Variants in HUWE1 observed in about 807,000 individuals in gnomAD.
HUWE1 encodes HECT, UBA and WWE domain containing E3 ubiquitin protein ligase 1, also known as E3 ubiquitin-protein ligase HUWE1.
A neutral mutation model predicts 299.4 loss-of-function variants in HUWE1; 18 were observed. The ratio of observed to expected loss-of-function variants is 0.06; its 90% CI spans 0.04 to 0.09. The LOEUF is 0.09. HUWE1 is among the 10% of genes least tolerant of loss of function. The pLI, the probability that HUWE1 is intolerant of heterozygous loss-of-function variation, is 1.00. For synonymous variants in HUWE1, 1,317 were observed against 1,286.1 expected (o/e 1.02, Z -0.51); for missense variants, 1,832 against 3,462.3 (o/e 0.53, Z 11.82).
chrX:53,636,645 C>T (rs782134789), intron 7 of HUWE1, among the ~76,000 whole-genome samples: 4 of 111,667 alleles, frequency 3.6e-5, no homozygotes, highest in African/African-American at 9.8e-5. Flanking sequence ...TGGCCTGAAC[C>T]CGGGAGGCAG....
At chrX:53,582,815 C>G in intron 42 of HUWE1, among the ~76,000 whole-genome samples, 1 of 109,173 alleles carries the variant, frequency 9.2e-6, no homozygotes, top group South Asian at 4.1e-4. Flanking sequence ...GGCTGGGGAG[C>G]AATGGCACCA....
At chrX:53,650,165 A>AT (rs1487019231) in intron 4 of HUWE1, among the ~76,000 whole-genome samples, 1 of 112,262 alleles carries the variant, frequency 8.9e-6, no homozygotes, top group East Asian at 2.8e-4. Context: ...GTTCCCCACT[A>AT]AATGTGTTAG....
chrX:53,660,758 G>A (rs2068958290), intron 3 of HUWE1, among the ~76,000 whole-genome samples: 1 of 111,228 alleles, frequency 9.0e-6, no homozygotes, highest in Admixed American at 9.6e-5. Flanking sequence ...AGGTAAAGGA[G>A]GCTTATTAGC....
Position 53,589,395 on chromosome X carries a change from T to A in HUWE1, c.4461+152A>T, listed in dbSNP as rs1363418781. The A allele has an allele frequency of 1.8e-5, 10 of 571,088 alleles. No homozygotes were observed. In the African/African-American group the frequency reaches 2.2e-4, roughly 13 times the overall value. The allele number at this position is 571,088 out of a possible 1,213,427, so 47.1% of individuals were successfully genotyped here. On this transcript the variant is annotated intron_variant, in intron 36 of 83. Transcript: ENST00000262854. ...TGTGTGTGCGATGTAGTTAACACAC[T>A]GTTTCAGGATTACCAGATCGAAAGA...
At chrX:53,544,012 A>G (rs370621124) in intron 72 of HUWE1, 44 bp from the exon 73 acceptor site, 37 of 1,080,028 alleles carry the variant, frequency 3.4e-5, no homozygotes, top group Non-Finnish European at 4.4e-5. Flanking sequence ...AAATATAGGA[A>G]GAGGGAAAGC....
chrX:53,555,450 C>G (rs2061958852), intron 60 of HUWE1, among the ~76,000 whole-genome samples: 1 of 108,267 alleles, frequency 9.2e-6, no homozygotes, highest in South Asian at 4.1e-4. Flanking sequence ...CTCAGCCTCC[C>G]AAGTAGCTGA....
intron 30 of HUWE1, 25 bp downstream of exon 30, chrX:53,595,162 C>T (rs782136087): frequency 1.8e-6 from 2 of 1,135,194 alleles, no homozygotes; most frequent in Non-Finnish European, 2.4e-6. Flanking sequence ...ACTTTCTAGT[C>T]CCTGAATCTC....
At position 53,534,502 on chromosome X, in the gene HUWE1, C is replaced by T. The variant is rs965199393; in HGVS notation, c.12831+14G>A. 16 of 1,196,469 alleles carry T rather than the reference C, an allele frequency of 1.3e-5. No individual in the cohort carries two copies. Among genetic ancestry groups the T allele is most frequent in the Non-Finnish European group, 1.8e-5 (16 of 886,404 alleles). ...AAGAGGACCATATGAGGAGGGATGC[C>T]AGCAGCAGCTCACCTGAATAGAGTT... On this transcript the variant is annotated intron_variant, in intron 82 of 83. Coordinates refer to ENST00000262854, the MANE Select transcript of HUWE1 (RefSeq NM_031407.7).
chrX:53,590,332 T>A (rs928377979), intron 35 of HUWE1, 72 bp downstream of exon 35: 134 of 682,579 alleles, frequency 2.0e-4, no homozygotes, highest in Non-Finnish European at 1.1e-4. Context: ...TAGTTTGCAA[T>A]ACTAGCAGAA....
chrX:53,680,823 G>A, intron 2 of HUWE1: 1 of 112,054 alleles, frequency 8.9e-6, no homozygotes, highest in Non-Finnish European at 1.9e-5. Flanking sequence ...ACGGTAAAAT[G>A]CACCAATGCA....
chrX:53,534,710 C>T lies in HUWE1; in HGVS notation c.12650-13G>A. 8.3e-7 allele frequency: 1 copy of T among 1,203,640 alleles called. No individual in the cohort carries two copies. On this transcript the variant is annotated splice_polypyrimidine_tract_variant and intron_variant, in intron 81 of 83. Transcript: ENST00000262854. ...TTGCGGATGGCTCCTGGTGAGATAA[C>T]CAAAAAGCCAAATGACTTCTAAACT...
In HUWE1 at chrX:53,559,184, C is replaced by T. The variant is rs1248205217; in HGVS notation, c.7916-124G>A. 4 of 753,306 alleles carry T rather than the reference C, an allele frequency of 5.3e-6. No individual in the cohort carries two copies. The African/African-American group carries it at 8.4e-5, about 16-fold the overall frequency. 62.1% of individuals were successfully genotyped at this position (753,306 alleles called of 1,213,427 possible). Reference sequence around the variant, plus strand: ...GTCTATCACAATGTTTAGAACATAACAAGTACCTAGAGACAATAAAGTTTT... The same window carrying T: ...GTCTATCACAATGTTTAGAACATAATAAGTACCTAGAGACAATAAAGTTTT... On this transcript the variant is annotated intron_variant, in intron 57 of 83. Transcript: ENST00000262854.
At chrX:53,543,681 G>C in intron 73 of HUWE1, 160 bp downstream of exon 73, 1 of 818,594 alleles carries the variant, frequency 1.2e-6, no homozygotes, top group Non-Finnish European at 1.7e-6. Context: ...TCAACAAATA[G>C]GAAAACACCA....
chrX:53,564,415 A>C (rs1242816489), intron 51 of HUWE1, among the ~76,000 whole-genome samples, 159 bp downstream of exon 51: 1 of 111,462 alleles, frequency 9.0e-6, no homozygotes, highest in East Asian at 2.8e-4. Context: ...ATACAGTACA[A>C]ACACATTTAC....
intron 65 of HUWE1, 36 bp from the exon 66 acceptor site, chrX:53,550,804 G>A: frequency 1.7e-6 from 2 of 1,198,483 alleles, no homozygotes; most frequent in Non-Finnish European, 2.3e-6. Flanking sequence ...AGATTGTGGA[G>A]AGGGTGTAAA....
chrX:53,645,894 T>TC (rs781956698), intron 6 of HUWE1, among the ~76,000 whole-genome samples: 1 of 107,122 alleles, frequency 9.3e-6, no homozygotes, highest in Admixed American at 1.0e-4. Flanking sequence ...GCGCAGGTTT[T>TC]CCCACAGGAA....
chrX:53,622,493 T>C (rs917906568), intron 19 of HUWE1, among the ~76,000 whole-genome samples: 12 of 111,543 alleles, frequency 1.1e-4, no homozygotes, highest in Non-Finnish European at 1.7e-4. Context: ...ATCAGAATCT[T>C]TGGTGTAACG....
chrX:53,660,606 G>A (rs1557044916), intron 3 of HUWE1, among the ~76,000 whole-genome samples: 1 of 112,062 alleles, frequency 8.9e-6, no homozygotes, highest in Non-Finnish European at 1.9e-5. Context: ...TGAGACTGGA[G>A]TTCCCCAAAG....
In HUWE1 at chrX:53,592,584, C is replaced by G. The variant is rs1556980319; in HGVS notation, c.3786G>C (p.Leu1262=). The change falls in exon 33 of 84, where the codon CTG becomes CTC. Residue 1262 remains leucine (L), a synonymous_variant. Coordinates refer to ENST00000262854, the MANE Select transcript of HUWE1 (RefSeq NM_031407.7). ...CAGCCATTCGTCCACCATATACCTT[C>G]AGGGGTTTCCGGTTCCATAAGTTTT... The part of the protein sequence containing the change: ...CIKNLWNRKP[L]KVYGGRMAES... 2 of 1,210,877 alleles carry G rather than the reference C, an allele frequency of 1.7e-6. No individual in the cohort carries two copies. The highest frequency in any genetic ancestry group is 2.3e-4 in the Middle Eastern group (1 of 4,353).
Sources: allele counts gnomAD v4.1 joint callset (sites outside exome capture counted in the v4.1 genomes callset), GRCh38; gene constraint gnomAD v4.1.1; transcripts MANE v1.5; gene names NCBI Gene and HGNC (gene_info 2026-07-23, HGNC 2026-07-21).